The following COMMD10 variants were observed in gnomAD, a reference collection of about 807,000 sequenced individuals.
COMMD10 encodes COMM domain-containing protein 10.
COMMD10 carries 33 observed loss-of-function variants against 28.9 expected under a neutral mutation model. The ratio of observed to expected loss-of-function variants is 1.14; its 90% CI spans 0.87 to 1.53. COMMD10 has a LOEUF of 1.53. COMMD10 is among the 40% of genes most tolerant of loss of function. The pLI is 0.00. For missense variants in COMMD10, 310 were observed against 233.4 expected (o/e 1.33, Z -2.14); for synonymous variants, 110 against 81.7 (o/e 1.35, Z -1.87).
intron 5 of COMMD10, among the ~76,000 whole-genome samples, chr5:116,213,447 C>G (rs1444047057): frequency 6.6e-6 from 1 of 152,086 alleles, no homozygotes; most frequent in African/African-American, 2.4e-5. Flanking sequence ...TATTAAGGAT[C>G]TGTGTAAAGA....
At chr5:116,161,978 T>C (rs1752932886) in intron 5 of COMMD10, among the ~76,000 whole-genome samples, 1 of 152,212 alleles carries the variant, frequency 6.6e-6, no homozygotes. Context: ...ACCAGAAGTT[T>C]TTCTCCCTCA....
chr5:116,140,362 C>G (rs900647945), intron 5 of COMMD10, among the ~76,000 whole-genome samples: 9 of 151,536 alleles, frequency 5.9e-5, no homozygotes, highest in African/African-American at 2.2e-4. Flanking sequence ...GTTTCCATAT[C>G]TTGGCTGTTA....
chr5:116,185,653 C>T (rs965564047), intron 5 of COMMD10, among the ~76,000 whole-genome samples: 1 of 152,044 alleles, frequency 6.6e-6, no homozygotes, highest in African/African-American at 2.4e-5. Flanking sequence ...GTAAAGAGGG[C>T]ATTTCTGGTG....
At chr5:116,139,776 A>G (rs563257976) in intron 5 of COMMD10, among the ~76,000 whole-genome samples, 48 of 151,840 alleles carry the variant, frequency 3.2e-4, no homozygotes, top group African/African-American at 1.1e-3. Flanking sequence ...TAAATTGTAT[A>G]TATTTAAGGT....
At chr5:116,223,620 A>G (rs555881589) in intron 5 of COMMD10, among the ~76,000 whole-genome samples, 27 of 152,320 alleles carry the variant, frequency 1.8e-4, no homozygotes, top group African/African-American at 6.3e-4. Context: ...TTTGTGCCAG[A>G]CTATAAGGTG....
At chr5:116,092,927 C>G (rs1385091031) in intron 4 of COMMD10, among the ~76,000 whole-genome samples, 1 of 152,160 alleles carries the variant, frequency 6.6e-6, no homozygotes, top group South Asian at 2.1e-4. Flanking sequence ...GTTGTTTACC[C>G]TTGTGATCAC....
chr5:116,085,557 C>G (rs1464685654), intron 1 of COMMD10: 1 of 157,534 alleles, frequency 6.3e-6, no homozygotes, highest in Non-Finnish European at 1.4e-5. Flanking sequence ...AAATCAGTAT[C>G]GAATAGGGGA....
At chr5:116,223,732 AT>A in intron 5 of COMMD10, among the ~76,000 whole-genome samples, 1 of 152,284 alleles carries the variant, frequency 6.6e-6, no homozygotes, top group Admixed American at 6.5e-5. Context: ...ACTATAATGT[AT>A]TGTAAGATAC....
chr5:116,122,741 C>G (rs905913655), intron 4 of COMMD10, among the ~76,000 whole-genome samples: 1 of 152,160 alleles, frequency 6.6e-6, no homozygotes, highest in Admixed American at 6.5e-5. Context: ...CTCTTTGAAG[C>G]AATTGTGAAT....
intron 5 of COMMD10, among the ~76,000 whole-genome samples, chr5:116,173,717 G>C (rs1399224898): frequency 6.6e-6 from 1 of 152,040 alleles, no homozygotes; most frequent in Non-Finnish European, 1.5e-5. Context: ...ACCTGCTCTA[G>C]ATGCGTTGTA....
At chr5:116,235,262 G>C (rs1561679794) in intron 5 of COMMD10, among the ~76,000 whole-genome samples, 1 of 152,148 alleles carries the variant, frequency 6.6e-6, no homozygotes, top group South Asian at 2.1e-4. Context: ...TTCTTTTTAG[G>C]AGTGTTTTTG....
intron 5 of COMMD10, among the ~76,000 whole-genome samples, chr5:116,249,951 A>G (rs779811660): frequency 2.0e-5 from 3 of 151,920 alleles, no homozygotes; most frequent in African/African-American, 4.8e-5. Flanking sequence ...GTTTAGTGGT[A>G]TGTTTATCAT....
At chr5:116,194,558 G>C (rs1303657471) in intron 5 of COMMD10, among the ~76,000 whole-genome samples, 1 of 152,092 alleles carries the variant, frequency 6.6e-6, no homozygotes, top group East Asian at 1.9e-4. Context: ...ACATAAACTA[G>C]AAAACCAAGA....
intron 5 of COMMD10, among the ~76,000 whole-genome samples, chr5:116,196,345 G>A (rs1748520701): frequency 6.6e-6 from 1 of 151,808 alleles, no homozygotes; most frequent in African/African-American, 2.4e-5. Flanking sequence ...AGGACTTGGG[G>A]TGAAGAGAGG....
intron 5 of COMMD10, among the ~76,000 whole-genome samples, chr5:116,176,680 C>T (rs1753524211): frequency 6.6e-6 from 1 of 151,982 alleles, no homozygotes; most frequent in East Asian, 1.9e-4. Flanking sequence ...GGGTGGCTTA[C>T]TTTCATTTTC....
At chr5:116,286,797 A>G (rs1166449093) in intron 5 of COMMD10, among the ~76,000 whole-genome samples, 2 of 151,826 alleles carry the variant, frequency 1.3e-5, no homozygotes, top group Admixed American at 1.3e-4. Context: ...ATCCCAGAGA[A>G]TGTTCCATGG....
intron 5 of COMMD10, among the ~76,000 whole-genome samples, chr5:116,157,187 G>A (rs548925126): frequency 2.0e-5 from 3 of 152,088 alleles, no homozygotes; most frequent in South Asian, 2.1e-4. Context: ...TCAAGCTGAA[G>A]GCCACTGTTT....
intron 5 of COMMD10, among the ~76,000 whole-genome samples, chr5:116,154,884 C>T (rs1374735222): frequency 6.6e-6 from 1 of 151,840 alleles, no homozygotes; most frequent in Non-Finnish European, 1.5e-5. Context: ...AGAGACAAGG[C>T]TGTTCTTGAG....
intron 5 of COMMD10, among the ~76,000 whole-genome samples, chr5:116,236,077 A>C (rs902381389): frequency 1.6e-4 from 24 of 152,204 alleles, no homozygotes; most frequent in Admixed American, 1.2e-3. Context: ...AAAAGGATAC[A>C]TGTTATTGTA....
Sources: allele counts gnomAD v4.1 joint callset (sites outside exome capture counted in the v4.1 genomes callset), GRCh38; gene constraint gnomAD v4.1.1; transcripts MANE v1.5; gene names NCBI Gene and HGNC (gene_info 2026-07-23, HGNC 2026-07-21).